Variants in TNR observed in about 807,000 individuals in gnomAD.
TNR encodes tenascin R, also known as tenascin-R.
Under a neutral mutation model 150.4 loss-of-function variants are expected in TNR, and 45 were observed. The observed-to-expected ratio is 0.30, with a 90% confidence interval of 0.24 to 0.38. The LOEUF (loss-of-function observed/expected upper bound fraction) is 0.38. TNR is among the 10% of genes least tolerant of loss of function. TNR has a pLI of 1.00. For missense variants in TNR, 1,544 were observed against 1,759.1 expected, an observed-to-expected ratio of 0.88 and a Z score of 2.19; for synonymous variants, 687 against 678.4, an observed-to-expected ratio of 1.01 and a Z score of -0.20.
chr1:175,504,820 A>T (rs547151704), intron 2 of TNR, among the ~76,000 whole-genome samples: 21 of 152,290 alleles, frequency 1.4e-4, no homozygotes, highest in African/African-American at 4.8e-4. Context: ...GCCTTTAAAG[A>T]GGTGATCAAA....
chr1:175,591,702 C>T (rs1003355580), intron 1 of TNR, among the ~76,000 whole-genome samples: 12 of 152,224 alleles, frequency 7.9e-5, no homozygotes, highest in African/African-American at 2.9e-4. Flanking sequence ...CCTATTACAT[C>T]TGTGAAGCTA....
intron 1 of TNR, among the ~76,000 whole-genome samples, chr1:175,570,862 A>G (rs1002422721): frequency 4.6e-5 from 7 of 152,198 alleles, no homozygotes; most frequent in Admixed American, 1.3e-4. Flanking sequence ...CCTTTCCTAA[A>G]TAGAAACATG....
chr1:175,727,234 T>C (rs1667505104), intron 1 of TNR, among the ~76,000 whole-genome samples: 1 of 152,254 alleles, frequency 6.6e-6, no homozygotes, highest in South Asian at 2.1e-4. Flanking sequence ...ATAAGATCTT[T>C]GTTTAAAACC....
chr1:175,478,674 A>G (rs548697332), intron 2 of TNR, among the ~76,000 whole-genome samples: 1 of 152,216 alleles, frequency 6.6e-6, no homozygotes, highest in East Asian at 1.9e-4. Context: ...GCTGTACGAA[A>G]GGAGGGACAA....
intron 17 of TNR, 62 bp from the exon 18 acceptor site, chr1:175,354,585 T>G: frequency 6.2e-7 from 1 of 1,608,938 alleles, no homozygotes; most frequent in South Asian, 1.1e-5. Context: ...TTTGGGAAAG[T>G]AGGGAAGGGA....
intron 2 of TNR, among the ~76,000 whole-genome samples, chr1:175,491,479 G>A (rs976022874): frequency 2.0e-5 from 3 of 152,036 alleles, no homozygotes; most frequent in Non-Finnish European, 4.4e-5. Flanking sequence ...TGCTTACAGG[G>A]AGAAAGGCTG....
At chr1:175,657,721 G>A (rs1308232709) in intron 1 of TNR, among the ~76,000 whole-genome samples, 1 of 131,218 alleles carries the variant, frequency 7.6e-6, no homozygotes, top group African/African-American at 2.9e-5. Flanking sequence ...ACTGAACAAT[G>A]AGAACACATG....
intron 2 of TNR, among the ~76,000 whole-genome samples, chr1:175,469,688 G>T (rs1657197623): frequency 6.6e-6 from 1 of 152,038 alleles, no homozygotes; most frequent in African/African-American, 2.4e-5. Flanking sequence ...AGAGGGCTTG[G>T]AAGGCAGGCT....
intron 2 of TNR, among the ~76,000 whole-genome samples, chr1:175,457,832 G>T (rs767866660): frequency 2.6e-5 from 4 of 152,062 alleles, no homozygotes; most frequent in African/African-American, 9.7e-5. Context: ...ATCCTCCTTC[G>T]TACAGTTAAG....
rs186505722 is a variant in TNR at position 175,589,139 on chromosome 1, C to T, written c.-164-60770G>A. ...CTAGGATTGAGGAGGGGAAGGGGGGCACTCTCTCTTGAGATCGAAACCAAG... is the reference window on the plus strand; with the variant it reads ...CTAGGATTGAGGAGGGGAAGGGGGGTACTCTCTCTTGAGATCGAAACCAAG... On this transcript the variant is annotated intron_variant, in intron 1 of 22. Coordinates refer to ENST00000367674, the MANE Select transcript of TNR (RefSeq NM_003285.3). 2.0e-5 allele frequency among the ~76,000 whole-genome samples: 3 copies of T among 152,224 alleles called. No individual in the cohort carries two copies. The East Asian group carries it at 5.8e-4, about 29-fold the overall frequency.
intron 2 of TNR, among the ~76,000 whole-genome samples, chr1:175,413,591 C>G (rs1452366336): frequency 1.3e-5 from 2 of 152,216 alleles, no homozygotes; most frequent in Admixed American, 1.3e-4. Context: ...CCTTCACTCT[C>G]TTCCTGTATC....
intron 2 of TNR, among the ~76,000 whole-genome samples, chr1:175,440,156 A>G (rs951421825): frequency 1.3e-5 from 2 of 152,198 alleles, no homozygotes; most frequent in Non-Finnish European, 2.9e-5. Context: ...CTGGATTAAG[A>G]AAATGTGGCA....
chr1:175,514,959 T>G (rs1367880846), intron 2 of TNR, among the ~76,000 whole-genome samples: 1 of 152,154 alleles, frequency 6.6e-6, no homozygotes, highest in Non-Finnish European at 1.5e-5. Context: ...CCCAGTCTAT[T>G]TTTTTTCAGA....
At chr1:175,440,060 C>G (rs1655708319) in intron 2 of TNR, among the ~76,000 whole-genome samples, 1 of 152,078 alleles carries the variant, frequency 6.6e-6, no homozygotes. Flanking sequence ...ATGCTGCTAT[C>G]AAGACACATG....
At chr1:175,333,264 G>T (rs1290502937) in intron 20 of TNR, 1 of 152,158 alleles carries the variant, frequency 6.6e-6, no homozygotes, top group Non-Finnish European at 1.5e-5. Context: ...TTTAAAAATA[G>T]ATTTAATTAA....
chr1:175,364,964 T>G (rs781303579), intron 12 of TNR, 46 bp downstream of exon 12: 1 of 1,551,426 alleles, frequency 6.4e-7, no homozygotes. Context: ...CAAAGGCTAC[T>G]GTGAAAACCC....
rs1648925974 is a variant in TNR, at chr1:175,319,263, C to G, written c.*4094G>C. 6.6e-6 allele frequency: 1 copy of G among 152,230 alleles called. No individual in the cohort carries two copies. The highest frequency in any genetic ancestry group is 1.5e-5 in the Non-Finnish European group (1 of 68,044). The allele number at this position is 152,230 out of a possible 1,614,324, so 9.4% of individuals were successfully genotyped here. A position where few individuals can be genotyped will look rare whatever the true frequency, so the allele number is the denominator to read the frequency against. On this transcript the variant is annotated 3_prime_UTR_variant, in exon 23 of 23. Coordinates refer to ENST00000367674, the MANE Select transcript of TNR (RefSeq NM_003285.3). Reference sequence around the variant, plus strand: ...CAGGTCACCAGCTAGTCTATTTCAACACCCATAGCTTGGTGTATCTAGTGT... The same window carrying G: ...CAGGTCACCAGCTAGTCTATTTCAAGACCCATAGCTTGGTGTATCTAGTGT...
At chr1:175,721,959 T>C (rs193072677) in intron 1 of TNR, among the ~76,000 whole-genome samples, 1 of 151,750 alleles carries the variant, frequency 6.6e-6, no homozygotes, top group Non-Finnish European at 1.5e-5. Flanking sequence ...AATCATGAGC[T>C]GCTGGACTGC....
intron 1 of TNR, among the ~76,000 whole-genome samples, chr1:175,627,557 G>A (rs1571691198): frequency 6.6e-6 from 1 of 152,096 alleles, no homozygotes; most frequent in African/African-American, 2.4e-5. Flanking sequence ...GGTAAAAATG[G>A]CATAATGATA....
Sources: gnomAD v4.1 joint callset for allele counts (sites outside exome capture counted in the v4.1 genomes callset) on GRCh38, gnomAD v4.1.1 for gene constraint, MANE v1.5 for transcripts, NCBI Gene and HGNC (gene_info 2026-07-23, HGNC 2026-07-21) for gene names.